The following RBFOX1 variants were observed in gnomAD, a reference collection of about 807,000 sequenced individuals.
RBFOX1 encodes RNA binding fox-1 homolog 1.
A neutral mutation model predicts 57.7 loss-of-function variants in RBFOX1; 8 were observed. The observed-to-expected ratio is 0.14, with a 90% CI of 0.08 to 0.25. The LOEUF (loss-of-function observed/expected upper bound fraction) is 0.25, where lower values mean the gene tolerates loss of function less well. RBFOX1 is among the 10% of genes least tolerant of loss of function. RBFOX1 has a pLI of 1.00. For missense variants in RBFOX1, 611 were observed against 548.5 expected (o/e 1.11, Z -1.14); for synonymous variants, 326 against 222.4 (o/e 1.47, Z -4.15).
chr16:6,386,485 A>T (rs903184289), intron 2 of RBFOX1, among the ~76,000 whole-genome samples: 1 of 152,158 alleles, frequency 6.6e-6, no homozygotes. Context: ...ATTAACCCCG[A>T]TGCTGGGGAT....
chr16:7,016,278 C>T (rs553701696), intron 3 of RBFOX1, among the ~76,000 whole-genome samples: 2 of 152,084 alleles, frequency 1.3e-5, no homozygotes, highest in Admixed American at 6.6e-5. Flanking sequence ...CTGTCTCGGA[C>T]ATGTGGTAGA....
At chr16:5,593,152 T>C (rs2047065499) in intron 2 of RBFOX1, among the ~76,000 whole-genome samples, 1 of 152,190 alleles carries the variant, frequency 6.6e-6, no homozygotes, top group Non-Finnish European at 1.5e-5. Context: ...CATGGGATAC[T>C]GTGCAGCCAT....
intron 1 of RBFOX1, among the ~76,000 whole-genome samples, chr16:5,431,655 G>C (rs1025637405): frequency 6.6e-6 from 1 of 152,174 alleles, no homozygotes; most frequent in South Asian, 2.1e-4. Context: ...TTACAGGTGT[G>C]AGCCACCGTG....
chr16:7,179,738 T>G (rs2082331363), intron 4 of RBFOX1, among the ~76,000 whole-genome samples: 1 of 152,100 alleles, frequency 6.6e-6, no homozygotes, highest in South Asian at 2.1e-4. Context: ...CCCAGATTTT[T>G]TTTTCTTTTT....
chr16:6,999,456 A>C (rs1359410970), intron 3 of RBFOX1, among the ~76,000 whole-genome samples: 5 of 150,798 alleles, frequency 3.3e-5, no homozygotes. Flanking sequence ...TTTATTTGAG[A>C]CGGAGTCTTG....
intron 4 of RBFOX1, among the ~76,000 whole-genome samples, chr16:7,375,599 A>T (rs904149924): frequency 6.6e-6 from 1 of 151,460 alleles, no homozygotes; most frequent in Non-Finnish European, 1.5e-5. Context: ...TCGATCCCCT[A>T]GTTCTTCCCA....
At chr16:6,656,027 G>C (rs1368303115) in intron 3 of RBFOX1, among the ~76,000 whole-genome samples, 1 of 152,216 alleles carries the variant, frequency 6.6e-6, no homozygotes, top group Non-Finnish European at 1.5e-5. Flanking sequence ...GCAGTTTTGT[G>C]TTGCTCTAGT....
At chr16:5,934,931 C>G (rs1004932369) in intron 4 of RBFOX1, among the ~76,000 whole-genome samples, 1 of 152,190 alleles carries the variant, frequency 6.6e-6, no homozygotes, top group African/African-American at 2.4e-5. Context: ...ATGACAAAGG[C>G]TTTGAGTCAA....
At chr16:6,863,989 C>CTTTTTTTTTTTTTTTTTTTT in intron 3 of RBFOX1, among the ~76,000 whole-genome samples, 1 of 125,336 alleles carries the variant, frequency 8.0e-6, no homozygotes, top group Admixed American at 7.8e-5. Flanking sequence ...CTTTATGTTC[C>CTTTTTTTTTTTTTTTTTTTT]TTTTTTTTTT....
At chr16:7,123,759 T>G (rs1369314770) in intron 4 of RBFOX1, among the ~76,000 whole-genome samples, 2 of 152,202 alleles carry the variant, frequency 1.3e-5, no homozygotes, top group Non-Finnish European at 2.9e-5. Context: ...GATGATACTT[T>G]ACAGCTATAG....
chr16:5,432,238 A>G (rs1567502305), intron 1 of RBFOX1, among the ~76,000 whole-genome samples: 1 of 152,182 alleles, frequency 6.6e-6, no homozygotes, highest in African/African-American at 2.4e-5. Context: ...ACAGAATCAA[A>G]TCGGCCTGTA....
intron 4 of RBFOX1, among the ~76,000 whole-genome samples, chr16:5,992,121 T>G (rs1228739316): frequency 6.6e-6 from 1 of 152,024 alleles, no homozygotes; most frequent in East Asian, 1.9e-4. Context: ...GGAATTGAAT[T>G]AGACTACATT....
intron 2 of RBFOX1, among the ~76,000 whole-genome samples, chr16:5,571,142 CAG>C (rs149467352): frequency 0.01 from 1,577 of 151,242 alleles, 16 homozygotes; most frequent in Admixed American, 0.022. Context: ...TGTCTACAGT[CAG>C]AGTCATGAGA....
chr16:6,543,779 C>A (rs17823229), intron 2 of RBFOX1, among the ~76,000 whole-genome samples: 6 of 151,752 alleles, frequency 4.0e-5, no homozygotes, highest in Admixed American at 3.3e-4. Flanking sequence ...TAGTAAGACA[C>A]GTTTTCTGAA....
At chr16:6,205,248 CAG>C (rs2097247086) in intron 1 of RBFOX1, among the ~76,000 whole-genome samples, 1 of 152,234 alleles carries the variant, frequency 6.6e-6, no homozygotes, top group Non-Finnish European at 1.5e-5. Flanking sequence ...CCTCTTCTGT[CAG>C]GGCAGATTAG....
intron 3 of RBFOX1, among the ~76,000 whole-genome samples, chr16:6,962,781 C>T (rs1412504774): frequency 6.6e-6 from 1 of 152,122 alleles, no homozygotes; most frequent in East Asian, 1.9e-4. Context: ...GAAAAGATCA[C>T]TTGAGCCCAG....
intron 4 of RBFOX1, among the ~76,000 whole-genome samples, chr16:7,377,276 A>G (rs2097701778): frequency 6.6e-6 from 1 of 152,230 alleles, no homozygotes. Flanking sequence ...CCTGGAGCAG[A>G]TGATACTGGG....
intron 2 of RBFOX1, among the ~76,000 whole-genome samples, chr16:6,434,724 A>C (rs1321715518): frequency 1.3e-5 from 2 of 152,258 alleles, no homozygotes; most frequent in East Asian, 3.8e-4. Context: ...AACTAGACAG[A>C]GAACTCTGAC....
At chr16:6,207,826 T>C (rs183611075) in intron 1 of RBFOX1, among the ~76,000 whole-genome samples, 1 of 152,164 alleles carries the variant, frequency 6.6e-6, no homozygotes, top group Admixed American at 6.5e-5. Context: ...TAGCTGGGAC[T>C]ACAGATGTAT....
Sources: allele counts gnomAD v4.1 joint callset (sites outside exome capture counted in the v4.1 genomes callset), GRCh38; gene constraint gnomAD v4.1.1; transcripts MANE v1.5; gene names NCBI Gene and HGNC (gene_info 2026-07-23, HGNC 2026-07-21).